The following MACROD2 variants were observed in gnomAD, a reference collection of about 807,000 sequenced individuals.
MACROD2 encodes the protein mono-ADP ribosylhydrolase 2, also known as ADP-ribose glycohydrolase MACROD2.
A neutral mutation model predicts 70.4 loss-of-function variants in MACROD2; 36 were observed. That is an observed-to-expected ratio of 0.51 (90% confidence interval 0.39 to 0.68). The LOEUF is 0.68. MACROD2 is among the 30% of genes least tolerant of loss of function. The pLI, the probability that MACROD2 is intolerant of heterozygous loss-of-function variation, is 0.00. For synonymous variants in MACROD2, 172 were observed against 178.8 expected (o/e 0.96, Z 0.30); for missense variants, 496 against 538.4 (o/e 0.92, Z 0.78).
At chr20:14,640,411 A>T (rs548461050) in intron 4 of MACROD2, among the ~76,000 whole-genome samples, 2 of 151,738 alleles carry the variant, frequency 1.3e-5, no homozygotes, top group Non-Finnish European at 2.9e-5. Flanking sequence ...TGAAAAGGAT[A>T]TTTTTTTTTC....
At chr20:14,227,428 T>G (rs1004509761) in intron 3 of MACROD2, among the ~76,000 whole-genome samples, 3 of 152,046 alleles carry the variant, frequency 2.0e-5, no homozygotes, top group African/African-American at 7.3e-5. Context: ...GCAGCTTCAC[T>G]CCTGAAGCCA....
intron 8 of MACROD2, among the ~76,000 whole-genome samples, chr20:15,681,090 G>A (rs976316621): frequency 2.0e-5 from 3 of 152,184 alleles, no homozygotes; most frequent in Non-Finnish European, 4.4e-5. Context: ...GGAATGAAGT[G>A]AAAACGTCCA....
chr20:14,077,894 C>CTTTTTTTTTTTTTT (rs58677755), intron 2 of MACROD2, among the ~76,000 whole-genome samples: 1 of 120,502 alleles, frequency 8.3e-6, no homozygotes, highest in Non-Finnish European at 1.8e-5. Flanking sequence ...AAAGGTTTTT[C>CTTTTTTTTTTTTTT]TTTTTTTTTT....
intron 7 of MACROD2, among the ~76,000 whole-genome samples, chr20:15,487,039 G>A (rs2047171829): frequency 6.6e-6 from 1 of 152,172 alleles, no homozygotes; most frequent in African/African-American, 2.4e-5. Context: ...GTACCTGTCT[G>A]AAAGGGCAGT....
chr20:14,041,421 A>G (rs754883221), intron 2 of MACROD2, among the ~76,000 whole-genome samples: 1 of 152,244 alleles, frequency 6.6e-6, no homozygotes, highest in Non-Finnish European at 1.5e-5. Context: ...TTTTGAGGAC[A>G]TAATTTCTAT....
intron 8 of MACROD2, among the ~76,000 whole-genome samples, chr20:15,756,183 T>TG (rs1262987423): frequency 6.6e-6 from 1 of 152,176 alleles, no homozygotes; most frequent in Non-Finnish European, 1.5e-5. Context: ...TTATGCAAAT[T>TG]GCCAGCCTCA....
intron 5 of MACROD2, among the ~76,000 whole-genome samples, chr20:15,153,422 A>T (rs1001054799): frequency 2.0e-5 from 3 of 152,138 alleles, no homozygotes; most frequent in Non-Finnish European, 4.4e-5. Context: ...GTCATCAGCT[A>T]AGGCAGGAAC....
At chr20:14,548,090 C>T (rs1189511827) in intron 4 of MACROD2, among the ~76,000 whole-genome samples, 1 of 152,150 alleles carries the variant, frequency 6.6e-6, no homozygotes, top group African/African-American at 2.4e-5. Flanking sequence ...GAGGCAAAGC[C>T]ACGTCGCAAA....
At chr20:14,009,423 C>T (rs1350236507) in intron 2 of MACROD2, among the ~76,000 whole-genome samples, 2 of 152,096 alleles carry the variant, frequency 1.3e-5, no homozygotes, top group Non-Finnish European at 2.9e-5. Context: ...CAATGTGATA[C>T]CAACTCACAC....
At chr20:15,428,060 A>G (rs1010990519) in intron 6 of MACROD2, among the ~76,000 whole-genome samples, 4 of 152,166 alleles carry the variant, frequency 2.6e-5, no homozygotes, top group African/African-American at 4.8e-5. Flanking sequence ...CTCTGGAGCA[A>G]CAGAACCTGG....
At chr20:14,765,160 A>G (rs2072069703) in intron 5 of MACROD2, among the ~76,000 whole-genome samples, 1 of 152,160 alleles carries the variant, frequency 6.6e-6, no homozygotes, top group South Asian at 2.1e-4. Flanking sequence ...GACCCCACTC[A>G]TTAGAAAATG....
At chr20:15,469,736 A>T (rs567578771) in intron 7 of MACROD2, among the ~76,000 whole-genome samples, 126 of 152,334 alleles carry the variant, frequency 8.3e-4, no homozygotes, top group Middle Eastern at 3.4e-3. Context: ...AACGCATCAG[A>T]AGGGATTAAG....
At chr20:14,161,575 G>GTT (rs369321102) in intron 3 of MACROD2, among the ~76,000 whole-genome samples, 38 of 136,202 alleles carry the variant, frequency 2.8e-4, no homozygotes, top group Non-Finnish European at 3.4e-4. Context: ...AGACCCTTTG[G>GTT]TTTTTTTTTT....
intron 8 of MACROD2, among the ~76,000 whole-genome samples, chr20:15,503,879 G>A (rs963091111): frequency 5.3e-5 from 8 of 152,156 alleles, no homozygotes; most frequent in Admixed American, 2.6e-4. Flanking sequence ...AGGAATCTAT[G>A]TAATGTGAGT....
intron 2 of MACROD2, among the ~76,000 whole-genome samples, chr20:14,071,761 A>T (rs757998121): frequency 6.6e-5 from 10 of 152,146 alleles, no homozygotes; most frequent in Non-Finnish European, 1.0e-4. Context: ...ATAGTAACAT[A>T]ATGCCAGAAC....
At chr20:14,386,742 G>T (rs1400343139) in intron 3 of MACROD2, among the ~76,000 whole-genome samples, 1 of 152,200 alleles carries the variant, frequency 6.6e-6, no homozygotes, top group Non-Finnish European at 1.5e-5. Context: ...ACAGCCTGCA[G>T]ACACATGAAT....
intron 3 of MACROD2, among the ~76,000 whole-genome samples, chr20:14,225,537 AAC>A (rs762963111): frequency 3.3e-5 from 5 of 152,180 alleles, no homozygotes; most frequent in Non-Finnish European, 7.3e-5. Flanking sequence ...TAATTACTGA[AAC>A]AGTTTCACTT....
At chr20:14,205,781 A>T (rs942312820) in intron 3 of MACROD2, among the ~76,000 whole-genome samples, 1 of 152,198 alleles carries the variant, frequency 6.6e-6, no homozygotes, top group African/African-American at 2.4e-5. Flanking sequence ...TGTAGGAGAA[A>T]AATAGCTCAA....
intron 5 of MACROD2, among the ~76,000 whole-genome samples, chr20:15,165,003 A>G (rs768340203): frequency 5.3e-5 from 8 of 152,354 alleles, no homozygotes; most frequent in Non-Finnish European, 1.2e-4. Flanking sequence ...AACTATAGAG[A>G]AAATTGCAGA....
Sources: gnomAD v4.1 joint callset for allele counts (sites outside exome capture counted in the v4.1 genomes callset) on GRCh38, gnomAD v4.1.1 for gene constraint, MANE v1.5 for transcripts, NCBI Gene and HGNC (gene_info 2026-07-23, HGNC 2026-07-21) for gene names.